Variants in ZNF519 observed in about 807,000 individuals in gnomAD.
ZNF519 encodes the protein zinc finger protein 519.
Under a neutral mutation model 7.4 loss-of-function variants are expected in ZNF519, and 7 were observed. The observed-to-expected ratio is 0.94, with a 90% CI of 0.54 to 1.77. The LOEUF (loss-of-function observed/expected upper bound fraction) is 1.77, where lower values mean the gene tolerates loss of function less well. Ranked by LOEUF, ZNF519 falls within the 40% of genes most tolerant of loss-of-function variation. The pLI, the probability that ZNF519 is intolerant of heterozygous loss-of-function variation, is 0.00. For missense variants in ZNF519, 586 were observed against 623.1 expected (o/e 0.94, Z 0.63); for synonymous variants, 179 against 203.3 (o/e 0.88, Z 1.02).
intron 2 of ZNF519, chr18:14,090,668 G>C (rs959146911): frequency 6.6e-6 from 1 of 152,260 alleles, no homozygotes; most frequent in Admixed American, 6.5e-5. Flanking sequence ...GTCCAGGGGA[G>C]CCCCTTCCTG....
chr18:14,106,137 G>A lies in ZNF519; in HGVS notation c.403C>T (p.Pro135Ser). The A allele has an allele frequency of 1.2e-6, 2 of 1,611,774 alleles. No individual in the cohort carries two copies. Among genetic ancestry groups the A allele is most frequent in the South Asian group, 2.2e-5 (2 of 90,546 alleles). Reference protein sequence around the residue: ...QKKPQFLSAAPTEPCIPMNKY... With the variant: ...QKKPQFLSAASTEPCIPMNKY... The stretch of plus-strand genomic sequence containing the variant: ...TTCATAGGAATACATGGTTCTGTAG[G>A]AGCAGCTGACAGAAACTGAGGCTTC... The change falls in exon 3 of 3, where the codon CCT becomes TCT. Residue 135 changes from proline (P) to serine (S), a missense_variant. Coordinates refer to ENST00000590202, the MANE Select transcript of ZNF519 (RefSeq NM_145287.4).
intron 1 of ZNF519, among the ~76,000 whole-genome samples, chr18:14,130,189 A>G (rs2046322711): frequency 6.9e-6 from 1 of 144,838 alleles, no homozygotes; most frequent in Non-Finnish European, 1.5e-5. Context: ...TTCATCTCCG[A>G]TGGTCAAAAA....
At chr18:14,123,892 C>CTGGGCA (rs1481490843) in intron 2 of ZNF519, among the ~76,000 whole-genome samples, 8 of 152,042 alleles carry the variant, frequency 5.3e-5, no homozygotes, top group Admixed American at 5.2e-4. Flanking sequence ...TTCTTTTTGG[C>CTGGGCA]TGGGCATGGT....
intron 3 of ZNF519, among the ~76,000 whole-genome samples, chr18:14,080,616 G>A (rs111559675): frequency 0.045 from 6,794 of 152,126 alleles, 501 homozygotes; most frequent in African/African-American, 0.16. Context: ...CACCGTGCCC[G>A]GCTGGCAATT....
chr18:14,083,624 A>G (rs2046078182), intron 3 of ZNF519, among the ~76,000 whole-genome samples: 1 of 152,088 alleles, frequency 6.6e-6, no homozygotes, highest in Non-Finnish European at 1.5e-5. Flanking sequence ...AATCAACACT[A>G]CAGGGCCAGG....
Position 14,101,413 on chromosome 18 carries a change from G to A in ZNF519, c.*3504C>T, listed in dbSNP as rs2143116114. The A allele has an allele frequency of 3.0e-6, 1 of 335,352 alleles. No individual in the cohort carries two copies. The highest frequency in any genetic ancestry group is 4.5e-5 in the East Asian group (1 of 22,112). 20.8% of individuals were successfully genotyped at this position (335,352 alleles called of 1,614,324 possible). A position where few individuals can be genotyped will look rare whatever the true frequency, so the allele number is the denominator to read the frequency against. ...AAAACACTCATGGTCATAACATGAAGTGAAAGTAAAATATAAATAATTTTC... is the reference window on the plus strand; with the variant it reads ...AAAACACTCATGGTCATAACATGAAATGAAAGTAAAATATAAATAATTTTC... On this transcript the variant is annotated 3_prime_UTR_variant, in exon 3 of 3. Transcript: ENST00000590202.
chr18:14,123,177 A>G, intron 2 of ZNF519: 1 of 252,598 alleles, frequency 4.0e-6, no homozygotes. Context: ...TGCTCCAGAC[A>G]GGTGACCAGG....
At position 14,105,094 on chromosome 18, in the gene ZNF519, A is replaced by G; in HGVS notation, c.1446T>C (p.His482=). 1 of 1,612,848 alleles carries G rather than the reference A, an allele frequency of 6.2e-7. No homozygotes were observed. Residue 482 remains histidine, a synonymous_variant, in exon 3 of 3, where the codon CAT becomes CAC. Transcript: ENST00000590202. ...TACATTTGAAGAATTTCTCTCCAGTATGGACTCTCTGATGTTGAGTAAGGT... is the reference window on the plus strand; with the variant it reads ...TACATTTGAAGAATTTCTCTCCAGTGTGGACTCTCTGATGTTGAGTAAGGT... ...GSHLTQHQRV[H]TGEKFFKCKE...
At position 14,105,024 on chromosome 18, in the gene ZNF519, G is replaced by A. The variant is rs372009029; in HGVS notation, c.1516C>T (p.His506Tyr). 3.2e-5 allele frequency: 51 copies of A among 1,604,714 alleles called. No individual in the cohort carries two copies. Among genetic ancestry groups the A allele is most frequent in the African/African-American group, 2.1e-4 (16 of 74,608 alleles). ...TTCTCTCCAGTATGAATTCTCTGAT[G>A]TTGAGTAAGGTGTGAGCTCCTGGTA... The part of the protein sequence containing the change: ...AFTRSSHLTQ[H>Y]QRIHTGEKPF... Residue 506 changes from histidine (H) to tyrosine (Y), a missense_variant, in exon 3 of 3, where the codon CAT becomes TAT. By Grantham distance (83) the His-to-Tyr change is moderately conservative. Coordinates refer to ENST00000590202, the MANE Select transcript of ZNF519 (RefSeq NM_145287.4).
In ZNF519 at chr18:14,106,525, A is replaced by G. The variant is rs934900285; in HGVS notation, c.131-116T>C. 7 of 851,842 alleles carry G rather than the reference A, an allele frequency of 8.2e-6. No individual in the cohort carries two copies. In the African/African-American group the frequency reaches 1.2e-4, roughly 15 times the overall value. The allele number at this position is 851,842 out of a possible 1,614,324, so 52.8% of individuals were successfully genotyped here. A position where few individuals can be genotyped will look rare whatever the true frequency, so the allele number is the denominator to read the frequency against. On this transcript the variant is annotated intron_variant, in intron 2 of 2. Transcript: ENST00000590202. Reference sequence around the variant, plus strand: ...AACATCAGCACAATGCCATAGTAGAAAACCAAGAAAGGACAGAGCAAGATG... The same window carrying G: ...AACATCAGCACAATGCCATAGTAGAGAACCAAGAAAGGACAGAGCAAGATG...
At chr18:14,077,936 C>A (rs1423689492) in intron 4 of ZNF519, among the ~76,000 whole-genome samples, 1 of 152,126 alleles carries the variant, frequency 6.6e-6, no homozygotes, top group Non-Finnish European at 1.5e-5. Context: ...CGTCCCCAAC[C>A]TTTTTGGCAC....
downstream of ZNF519, among the ~76,000 whole-genome samples, chr18:14,098,097 G>A (rs568060139): frequency 6.6e-6 from 1 of 151,240 alleles, no homozygotes; most frequent in African/African-American, 2.4e-5. Context: ...TCTCCACACT[G>A]TCCTCTACAT....
downstream of ZNF519, among the ~76,000 whole-genome samples, chr18:14,094,979 A>G (rs1323358031): frequency 6.6e-6 from 1 of 152,118 alleles, no homozygotes; most frequent in Non-Finnish European, 1.5e-5. Context: ...AGTTTCCTTA[A>G]AATAGCTATT....
chr18:14,080,501 TAGTAGAGA>T (rs1555629375), intron 3 of ZNF519, among the ~76,000 whole-genome samples: 5 of 152,030 alleles, frequency 3.3e-5, no homozygotes, highest in Non-Finnish European at 5.9e-5. Context: ...TTTGTATTTT[TAGTAGAGA>T]CGGGGTTTCA....
intron 2 of ZNF519, among the ~76,000 whole-genome samples, chr18:14,088,417 A>ATT (rs1418646435): frequency 1.3e-5 from 2 of 152,194 alleles, no homozygotes; most frequent in Non-Finnish European, 2.9e-5. Context: ...ATTTCACTTT[A>ATT]CCATCATATT....
downstream of ZNF519, chr18:14,075,053 AAG>A (rs2046042330): frequency 6.6e-6 from 1 of 152,190 alleles, no homozygotes; most frequent in Non-Finnish European, 1.5e-5. Flanking sequence ...GGAGCAGGCA[AAG>A]AGAGAGCTTG....
At chr18:14,085,882 C>G (rs1291283460) in intron 2 of ZNF519, among the ~76,000 whole-genome samples, 2 of 152,212 alleles carry the variant, frequency 1.3e-5, no homozygotes, top group Non-Finnish European at 2.9e-5. Flanking sequence ...CATGTTCTGA[C>G]CTGCACCACC....
chr18:14,116,403 T>G (rs1000087348), intron 2 of ZNF519, among the ~76,000 whole-genome samples: 4 of 152,182 alleles, frequency 2.6e-5, no homozygotes, highest in African/African-American at 9.7e-5. Flanking sequence ...GGCACCACAC[T>G]TCCTGTTTTT....
chr18:14,099,089 T>A (rs1156600457), downstream of ZNF519, among the ~76,000 whole-genome samples: 2 of 152,026 alleles, frequency 1.3e-5, no homozygotes, highest in Non-Finnish European at 2.9e-5. Context: ...CCCAGCCAAC[T>A]TCCACCATCT....
Sources: allele counts gnomAD v4.1 joint callset (sites outside exome capture counted in the v4.1 genomes callset), GRCh38; gene constraint gnomAD v4.1.1; transcripts MANE v1.5; gene names NCBI Gene and HGNC (gene_info 2026-07-23, HGNC 2026-07-21).